Variants in RABL3 observed in about 807,000 individuals in gnomAD.
The protein encoded by RABL3 is rab-like protein 3.
RABL3 carries 31 observed loss-of-function variants against 31.8 expected under a neutral mutation model. The ratio of observed to expected loss-of-function variants is 0.97; its 90% CI spans 0.73 to 1.31. The LOEUF (loss-of-function observed/expected upper bound fraction) is 1.31, where lower values mean the gene tolerates loss of function less well. Among genes scored for constraint, RABL3 ranks in the 40% most tolerant of loss-of-function variants. The pLI is 0.00. For synonymous variants in RABL3, 97 were observed against 99.9 expected, an observed-to-expected ratio of 0.97 and a Z score of 0.18; for missense variants, 263 against 279.6, an observed-to-expected ratio of 0.94 and a Z score of 0.42.
intron 1 of RABL3, among the ~76,000 whole-genome samples, chr3:120,739,060 C>T (rs891646479): frequency 6.6e-6 from 1 of 152,114 alleles, no homozygotes; most frequent in Non-Finnish European, 1.5e-5. Flanking sequence ...GGCTTTTCAT[C>T]CTTGTTAACC....
At chr3:120,713,251 C>A (rs1042624743) in intron 2 of RABL3, among the ~76,000 whole-genome samples, 1 of 152,222 alleles carries the variant, frequency 6.6e-6, no homozygotes, top group Non-Finnish European at 1.5e-5. Flanking sequence ...AATTACCTTT[C>A]CTAGTCAAAT....
intron 2 of RABL3, among the ~76,000 whole-genome samples, chr3:120,723,016 T>G (rs554324923): frequency 6.6e-6 from 1 of 152,268 alleles, no homozygotes; most frequent in East Asian, 1.9e-4. Context: ...GGAGCTGGTT[T>G]TTTGAAAAGA....
intron 1 of RABL3, among the ~76,000 whole-genome samples, chr3:120,739,722 C>T (rs1709019207): frequency 3.3e-5 from 5 of 152,052 alleles, no homozygotes; most frequent in Admixed American, 3.3e-4. Flanking sequence ...TGTCTAATAT[C>T]TGTAACTTTT....
intron 3 of RABL3, among the ~76,000 whole-genome samples, chr3:120,708,901 T>C (rs1010939830): frequency 6.6e-5 from 10 of 151,992 alleles, no homozygotes; most frequent in African/African-American, 2.4e-4. Flanking sequence ...CTACATCTTT[T>C]TGTAGAGTCT....
At position 120,685,804 on chromosome 3, in the gene RABL3, T is replaced by C. The variant is rs1391920330; in HGVS notation, c.*4019A>G. ...TTCTTAAAGGCTAGATCCTGACTTATCTGCATGAGAAAAATCTGGCTTGTC... is the reference window on the plus strand; with the variant it reads ...TTCTTAAAGGCTAGATCCTGACTTACCTGCATGAGAAAAATCTGGCTTGTC... On this transcript the variant is annotated 3_prime_UTR_variant, in exon 8 of 8. Transcript: ENST00000273375. 1.3e-5 allele frequency among the ~76,000 whole-genome samples: 2 copies of C among 152,200 alleles called. No homozygotes were observed. The highest frequency in any genetic ancestry group is 6.5e-5 in the Admixed American group (1 of 15,278).
rs561424683 is a variant in RABL3, at chr3:120,716,627, T to TA, written c.139-6719dup. Among the ~76,000 whole-genome samples the TA allele has an allele frequency of 2.1e-3, 300 of 142,596 alleles. 1 individual carries two copies. The highest frequency in any genetic ancestry group is 3.1e-3 in the Non-Finnish European group (199 of 64,684). The allele number at this position is 142,596 out of a possible 152,430, so 93.5% of individuals were successfully genotyped here. On this transcript the variant is annotated intron_variant, in intron 2 of 7. Transcript: ENST00000273375. ...ACTTAAAGTATAATAATAATAAAAT[T>TA]AAAAAAAAAAGAAAAAAAAAGAGGC...
At chr3:120,742,364 G>A (rs1379656434) in intron 1 of RABL3, 98 bp downstream of exon 1, 6 of 1,161,840 alleles carry the variant, frequency 5.2e-6, no homozygotes, top group Non-Finnish European at 6.5e-6. Flanking sequence ...TTCAGCCACG[G>A]GCCGAGGAGC....
chr3:120,712,394 TA>T (rs1708622453), intron 2 of RABL3, among the ~76,000 whole-genome samples: 1 of 152,058 alleles, frequency 6.6e-6, no homozygotes, highest in African/African-American at 2.4e-5. Context: ...AAGTTAGCAG[TA>T]AAAAAGTTAA....
intron 7 of RABL3, among the ~76,000 whole-genome samples, 158 bp from the exon 8 acceptor site, chr3:120,690,046 T>C (rs1708361610): frequency 6.6e-6 from 1 of 152,100 alleles, no homozygotes; most frequent in South Asian, 2.1e-4. Context: ...GATTAAATAA[T>C]AAAAATAAAT....
chr3:120,733,925 C>T (rs1212538489), intron 1 of RABL3, among the ~76,000 whole-genome samples: 1 of 152,078 alleles, frequency 6.6e-6, no homozygotes, highest in Admixed American at 6.6e-5. Context: ...TGTTTTGGTA[C>T]CAGTACCATG....
chr3:120,714,445 A>G (rs1350201433), intron 2 of RABL3, among the ~76,000 whole-genome samples: 4 of 152,196 alleles, frequency 2.6e-5, no homozygotes, highest in Non-Finnish European at 5.9e-5. Context: ...GAATAGTGTA[A>G]AGGTTACTGC....
chr3:120,730,665 A>G (rs1708871377), intron 2 of RABL3, 31 bp downstream of exon 2: 1 of 1,427,794 alleles, frequency 7.0e-7, no homozygotes, highest in Non-Finnish European at 9.8e-7. Context: ...TTAGTACATT[A>G]TTGAAAAACT....
At chr3:120,707,544 C>T (rs1708562996) in intron 3 of RABL3, among the ~76,000 whole-genome samples, 1 of 152,018 alleles carries the variant, frequency 6.6e-6, no homozygotes, top group Admixed American at 6.6e-5. Flanking sequence ...AGTAACTTGT[C>T]CTTGGGCACA....
At chr3:120,742,032 C>G (rs1406130081) in intron 1 of RABL3, among the ~76,000 whole-genome samples, 1 of 150,860 alleles carries the variant, frequency 6.6e-6, no homozygotes. Context: ...TGCCAGTGCA[C>G]GTTTCTCAGT....
intron 1 of RABL3, among the ~76,000 whole-genome samples, chr3:120,741,642 G>A (rs1559826832): frequency 6.6e-6 from 1 of 152,050 alleles, no homozygotes; most frequent in Non-Finnish European, 1.5e-5. Context: ...AAATGTCCCA[G>A]GTGTCAAAAG....
chr3:120,730,026 T>C (rs1204923611), intron 2 of RABL3, among the ~76,000 whole-genome samples: 2 of 150,734 alleles, frequency 1.3e-5, no homozygotes, highest in African/African-American at 2.4e-5. Context: ...TAAAAAGAAA[T>C]AATAATTAGT....
chr3:120,737,015 CT>C (rs1708975688), intron 1 of RABL3, among the ~76,000 whole-genome samples: 1 of 152,096 alleles, frequency 6.6e-6, no homozygotes, highest in Non-Finnish European at 1.5e-5. Flanking sequence ...GGAGTTGCTC[CT>C]CTTGAGGAGT....
chr3:120,720,517 C>T (rs1458687244), intron 2 of RABL3, among the ~76,000 whole-genome samples: 1 of 152,156 alleles, frequency 6.6e-6, no homozygotes, highest in Non-Finnish European at 1.5e-5. Context: ...AAAACCACGG[C>T]ATGAGAACTA....
At chr3:120,729,356 C>T (rs1708857016) in intron 2 of RABL3, among the ~76,000 whole-genome samples, 1 of 152,060 alleles carries the variant, frequency 6.6e-6, no homozygotes, top group Non-Finnish European at 1.5e-5. Context: ...TTTCACAATA[C>T]AGCATACAGG....
Sources: allele counts gnomAD v4.1 joint callset (sites outside exome capture counted in the v4.1 genomes callset), GRCh38; gene constraint gnomAD v4.1.1; transcripts MANE v1.5; gene names NCBI Gene and HGNC (gene_info 2026-07-23, HGNC 2026-07-21).